The following GRID1 variants were observed in gnomAD, a reference collection of about 807,000 sequenced individuals.
GRID1 encodes the protein glutamate receptor ionotropic, delta-1.
Under a neutral mutation model 98.0 loss-of-function variants are expected in GRID1, and 28 were observed. That is an observed-to-expected ratio of 0.29 (90% CI 0.21 to 0.39). The LOEUF is 0.39. Ranked by LOEUF, GRID1 falls within the 10% of genes least tolerant of loss-of-function variation. The pLI is 1.00. For synonymous variants in GRID1, 553 were observed against 538.5 expected (o/e 1.03, Z -0.37); for missense variants, 1,111 against 1,340.5 (o/e 0.83, Z 2.67).
At chr10:85,940,291 T>C (rs1186278845) in intron 4 of GRID1, among the ~76,000 whole-genome samples, 1 of 152,168 alleles carries the variant, frequency 6.6e-6, no homozygotes, top group Non-Finnish European at 1.5e-5. Context: ...TTACCTTCTC[T>C]GTCTGGCCCA....
At chr10:85,877,783 C>A (rs555428499) in intron 5 of GRID1, among the ~76,000 whole-genome samples, 1 of 152,158 alleles carries the variant, frequency 6.6e-6, no homozygotes, top group African/African-American at 2.4e-5. Flanking sequence ...ATGACCTTGA[C>A]GAGTTGAGAG....
At chr10:86,269,255 G>C (rs904714944) in intron 2 of GRID1, among the ~76,000 whole-genome samples, 1 of 152,168 alleles carries the variant, frequency 6.6e-6, no homozygotes, top group Admixed American at 6.5e-5. Flanking sequence ...TGCCTGGAGG[G>C]GTGGGGGCAG....
chr10:85,824,209 T>TG (rs1451992828), intron 8 of GRID1, among the ~76,000 whole-genome samples: 1 of 151,742 alleles, frequency 6.6e-6, no homozygotes. Flanking sequence ...TTTGTTTGTT[T>TG]TTTGAGATGG....
chr10:86,295,169 G>A (rs1036348445), intron 2 of GRID1, among the ~76,000 whole-genome samples: 1 of 152,186 alleles, frequency 6.6e-6, no homozygotes, highest in Non-Finnish European at 1.5e-5. Context: ...GTGGGGGAGC[G>A]GCAGAGGAGA....
At chr10:86,350,341 G>C (rs979297375) in intron 2 of GRID1, among the ~76,000 whole-genome samples, 2 of 152,204 alleles carry the variant, frequency 1.3e-5, no homozygotes, top group African/African-American at 4.8e-5. Context: ...GATAACTCTG[G>C]CTGCTACATG....
At chr10:85,692,619 A>C (rs2132611996) in intron 12 of GRID1, among the ~76,000 whole-genome samples, 1 of 149,828 alleles carries the variant, frequency 6.7e-6, no homozygotes, top group South Asian at 2.1e-4. Flanking sequence ...GTGAGCCAAG[A>C]TTGTGCCACT....
At chr10:85,990,872 T>C (rs1388422674) in intron 4 of GRID1, among the ~76,000 whole-genome samples, 1 of 152,190 alleles carries the variant, frequency 6.6e-6, no homozygotes, top group Non-Finnish European at 1.5e-5. Context: ...GACTTTTTTT[T>C]TCCTTCAGTC....
At chr10:85,655,132 C>T (rs1006073688) in intron 12 of GRID1, among the ~76,000 whole-genome samples, 23 of 152,198 alleles carry the variant, frequency 1.5e-4, no homozygotes, top group Non-Finnish European at 2.5e-4. Context: ...GGCTACCCTG[C>T]TTTTGGTGTG....
At chr10:86,214,184 G>A (rs977190063) in intron 2 of GRID1, among the ~76,000 whole-genome samples, 6 of 152,152 alleles carry the variant, frequency 3.9e-5, no homozygotes, top group Admixed American at 6.5e-5. Flanking sequence ...AAAACAAAAC[G>A]CACACCCTAA....
chr10:86,218,940 C>T (rs1025733225), intron 2 of GRID1, among the ~76,000 whole-genome samples: 5 of 152,206 alleles, frequency 3.3e-5, no homozygotes, highest in Admixed American at 3.3e-4. Context: ...TGTACATCAT[C>T]CTGGCCTGGC....
chr10:86,224,933 T>A (rs61857814), intron 2 of GRID1, among the ~76,000 whole-genome samples: 8,810 of 152,258 alleles, frequency 0.058, 313 homozygotes, highest in Middle Eastern at 0.12. Context: ...ACCACCAGGC[T>A]GTGAGCTGTT....
intron 3 of GRID1, among the ~76,000 whole-genome samples, chr10:86,167,260 C>G (rs1589394915): frequency 6.6e-6 from 1 of 152,246 alleles, no homozygotes; most frequent in Non-Finnish European, 1.5e-5. Flanking sequence ...CAAACCCTCC[C>G]TGCTGCTGTC....
At chr10:85,769,257 A>C (rs1443270150) in intron 8 of GRID1, among the ~76,000 whole-genome samples, 8 of 152,230 alleles carry the variant, frequency 5.3e-5, no homozygotes, top group Admixed American at 2.0e-4. Context: ...TTAATACCAG[A>C]ACAGAAGACC....
chr10:86,148,866 T>A (rs1845122463), intron 3 of GRID1, among the ~76,000 whole-genome samples: 2 of 152,030 alleles, frequency 1.3e-5, no homozygotes. Context: ...CAAGCCTGGG[T>A]TCACTATCTG....
At chr10:86,022,753 A>G (rs1255693863) in intron 4 of GRID1, among the ~76,000 whole-genome samples, 1 of 151,908 alleles carries the variant, frequency 6.6e-6, no homozygotes, top group Non-Finnish European at 1.5e-5. Flanking sequence ...CCTCATCTCT[A>G]CTAAAAATAC....
chr10:86,116,119 A>G (rs1237635162), intron 4 of GRID1, among the ~76,000 whole-genome samples: 1 of 152,180 alleles, frequency 6.6e-6, no homozygotes, highest in African/African-American at 2.4e-5. Context: ...TCGCCTAACA[A>G]TGCATTTCTC....
chr10:85,820,587 T>C (rs1337519958), intron 8 of GRID1, among the ~76,000 whole-genome samples: 1 of 152,220 alleles, frequency 6.6e-6, no homozygotes, highest in African/African-American at 2.4e-5. Flanking sequence ...GATATATTTA[T>C]AATTATTGTG....
chr10:85,653,872 G>A (rs919303443), intron 12 of GRID1, among the ~76,000 whole-genome samples: 9 of 152,012 alleles, frequency 5.9e-5, no homozygotes, highest in African/African-American at 1.9e-4. Context: ...GCTAGACCTT[G>A]GACTTCTCAG....
intron 2 of GRID1, among the ~76,000 whole-genome samples, chr10:86,324,098 G>C (rs1362833443): frequency 6.6e-6 from 1 of 152,048 alleles, no homozygotes; most frequent in African/African-American, 2.4e-5. Context: ...AGAATCGCTT[G>C]AACCCAGGAC....
Sources: gnomAD v4.1 joint callset for allele counts (sites outside exome capture counted in the v4.1 genomes callset) on GRCh38, gnomAD v4.1.1 for gene constraint, MANE v1.5 for transcripts, NCBI Gene and HGNC (gene_info 2026-07-23, HGNC 2026-07-21) for gene names.